Variants in NPHP1 observed in about 807,000 individuals in gnomAD.
The protein encoded by NPHP1 is nephrocystin-1.
In NPHP1, 70 loss-of-function variants were observed where a neutral mutation model predicts 90.4. The ratio of observed to expected loss-of-function variants is 0.77; its 90% CI spans 0.64 to 0.95. The LOEUF is 0.95. NPHP1 is among the 40% of genes least tolerant of loss of function. The probability of loss-of-function intolerance (pLI) is 0.00; values close to 1 mark genes in which losing one functional copy is unlikely to be tolerated. For missense variants in NPHP1, 764 were observed against 795.9 expected, an observed-to-expected ratio of 0.96 and a Z score of 0.48; for synonymous variants, 256 against 271.7, an observed-to-expected ratio of 0.94 and a Z score of 0.57.
intron 4 of NPHP1, among the ~76,000 whole-genome samples, chr2:110,176,536 A>G (rs1176488542): frequency 6.6e-6 from 1 of 152,086 alleles, no homozygotes. Context: ...TGATGGACAC[A>G]TTACATGACT....
At chr2:110,182,196 C>G (rs770365238) in intron 2 of NPHP1, among the ~76,000 whole-genome samples, 2 of 152,026 alleles carry the variant, frequency 1.3e-5, no homozygotes, top group African/African-American at 2.4e-5. Flanking sequence ...AATGGAACCA[C>G]GTTGAAAAAC....
chr2:110,178,798 C>G (rs939448686), intron 3 of NPHP1: 4 of 412,846 alleles, frequency 9.7e-6, no homozygotes, highest in Non-Finnish European at 1.3e-5. Context: ...TATTATAGAC[C>G]TTCCATAGTC....
intron 4 of NPHP1, among the ~76,000 whole-genome samples, chr2:110,176,669 C>T (rs190572230): frequency 2.6e-4 from 40 of 152,216 alleles, no homozygotes; most frequent in African/African-American, 9.1e-4. Context: ...AGAAGACCTA[C>T]CTCAGCTTTG....
chr2:110,181,252 C>T (rs1683886974), intron 2 of NPHP1, among the ~76,000 whole-genome samples: 1 of 152,184 alleles, frequency 6.6e-6, no homozygotes, highest in South Asian at 2.1e-4. Flanking sequence ...AAAGAGTCCC[C>T]TCCTAATGTA....
At position 110,204,842 on chromosome 2, in the gene NPHP1, C is replaced by T. The variant is rs1015615049; in HGVS notation, c.69+58G>A. The T allele has an allele frequency of 3.8e-6, 6 of 1,567,818 alleles. 1 individual carries two copies. The highest frequency in any genetic ancestry group is 5.3e-6 in the Non-Finnish European group (6 of 1,139,516). ...GGGGTCACGGTGGGAAGGCGCAGTG[C>T]GCGCAGCTGCGTCCGCCTGTCGCCC... On this transcript the variant is annotated intron_variant, in intron 1 of 19. Transcript: ENST00000445609.
At chr2:110,140,757 G>C (rs191467559) in intron 16 of NPHP1, among the ~76,000 whole-genome samples, 72 of 152,134 alleles carry the variant, frequency 4.7e-4, no homozygotes, top group African/African-American at 1.7e-3. Flanking sequence ...CCAAGGAAAG[G>C]CTGGCCAAAA....
chr2:110,195,549 G>T (rs1238622101), intron 2 of NPHP1, among the ~76,000 whole-genome samples: 1 of 152,130 alleles, frequency 6.6e-6, no homozygotes, highest in African/African-American at 2.4e-5. Context: ...TGGGTAGGAA[G>T]TATCAATATC....
At chr2:110,144,143 T>C (rs1181657097) in intron 15 of NPHP1, 5 of 336,622 alleles carry the variant, frequency 1.5e-5, no homozygotes, top group Non-Finnish European at 2.2e-5. Flanking sequence ...TCAATATTTC[T>C]AGAGGGCAAT....
chr2:110,175,509 G>A (rs1273196827), intron 4 of NPHP1, among the ~76,000 whole-genome samples: 11 of 152,026 alleles, frequency 7.2e-5, no homozygotes, highest in Admixed American at 4.6e-4. Context: ...TTCTTTCAAC[G>A]TTTTCAAGAT....
intron 11 of NPHP1, among the ~76,000 whole-genome samples, chr2:110,156,117 G>C (rs1446387942): frequency 1.5e-4 from 23 of 151,158 alleles, no homozygotes; most frequent in Non-Finnish European, 2.9e-5. Context: ...TGTAGTCCAG[G>C]CTGGAGTGTA....
At chr2:110,201,570 A>G in intron 1 of NPHP1, 76 bp from the exon 2 acceptor site, 1 of 1,009,634 alleles carries the variant, frequency 9.9e-7, no homozygotes, top group South Asian at 1.4e-5. Flanking sequence ...TTTTTATCCA[A>G]TATTTTATAA....
At chr2:110,174,485 A>G (rs146014294) in intron 4 of NPHP1, among the ~76,000 whole-genome samples, 1 of 152,308 alleles carries the variant, frequency 6.6e-6, no homozygotes, top group Non-Finnish European at 1.5e-5. Context: ...ACTTTAAGAT[A>G]AATAATTCCA....
chr2:110,125,189 C>T lies in NPHP1; in HGVS notation c.1761+448G>A, dbSNP rs892135248. The T allele has an allele frequency of 1.0e-5, 16 of 1,530,434 alleles. No homozygotes were observed. In the African/African-American group the frequency reaches 1.4e-4, roughly 13 times the overall value. The allele number at this position is 1,530,434 out of a possible 1,614,324, so 94.8% of individuals were successfully genotyped here. A position where few individuals can be genotyped will look rare whatever the true frequency, so the allele number is the denominator to read the frequency against. ...TGAGAGCAGTCAAACCACGACTCAC[C>T]GATTAAAGCAAGTTCGGATTGGTAA... On this transcript the variant is annotated intron_variant, in intron 19 of 19. Coordinates refer to ENST00000445609, the MANE Select transcript of NPHP1 (RefSeq NM_001128178.3).
chr2:110,138,654 C>T (rs1385935240), intron 16 of NPHP1, among the ~76,000 whole-genome samples: 7 of 152,068 alleles, frequency 4.6e-5, no homozygotes, highest in Non-Finnish European at 1.0e-4. Context: ...GCAGAACGAC[C>T]TGAGCATGAA....
intron 16 of NPHP1, among the ~76,000 whole-genome samples, chr2:110,141,453 G>A (rs894015112): frequency 1.3e-5 from 2 of 152,000 alleles, no homozygotes; most frequent in Non-Finnish European, 2.9e-5. Context: ...TAAATGACTA[G>A]TCTAGGAGGG....
intron 2 of NPHP1, among the ~76,000 whole-genome samples, chr2:110,198,017 C>T (rs1428374106): frequency 6.6e-6 from 1 of 152,082 alleles, no homozygotes; most frequent in Non-Finnish European, 1.5e-5. Flanking sequence ...TCTTCACTGG[C>T]TCCTGAAACC....
intron 4 of NPHP1, among the ~76,000 whole-genome samples, chr2:110,171,934 G>A (rs907549427): frequency 1.3e-5 from 2 of 152,204 alleles, no homozygotes; most frequent in Non-Finnish European, 2.9e-5. Context: ...TGATTTGAAA[G>A]TGTTTCTTCT....
At chr2:110,145,445 C>T (rs1318183090) in intron 14 of NPHP1, among the ~76,000 whole-genome samples, 3 of 152,004 alleles carry the variant, frequency 2.0e-5, no homozygotes, top group Non-Finnish European at 4.4e-5. Context: ...CGTGTGCCAC[C>T]ATGCTTGGCT....
intron 2 of NPHP1, among the ~76,000 whole-genome samples, chr2:110,197,246 T>C (rs1363707921): frequency 6.6e-6 from 1 of 151,970 alleles, no homozygotes; most frequent in Non-Finnish European, 1.5e-5. Context: ...TTTACCTATG[T>C]AACAAACCTG....
Sources: gnomAD v4.1 joint callset for allele counts (sites outside exome capture counted in the v4.1 genomes callset) on GRCh38, gnomAD v4.1.1 for gene constraint, MANE v1.5 for transcripts, NCBI Gene and HGNC (gene_info 2026-07-23, HGNC 2026-07-21) for gene names.